The following MBD1 variants were observed in gnomAD, a reference collection of about 807,000 sequenced individuals.
The protein encoded by MBD1 is methyl-CpG binding domain protein 1.
A neutral mutation model predicts 82.6 loss-of-function variants in MBD1; 25 were observed. The ratio of observed to expected loss-of-function variants is 0.30; its 90% CI spans 0.22 to 0.42. The LOEUF (loss-of-function observed/expected upper bound fraction) is 0.42. Among genes scored for constraint, MBD1 ranks in the 10% least tolerant of loss-of-function variants. The pLI, the probability that MBD1 is intolerant of heterozygous loss-of-function variation, is 1.00. For missense variants in MBD1, 627 were observed against 819.6 expected (o/e 0.76, Z 2.87); for synonymous variants, 301 against 303.7 (o/e 0.99, Z 0.09).
At chr18:50,273,100 T>C (rs2036300694) in intron 13 of MBD1, 145 bp from the exon 14 acceptor site, 6 of 1,227,168 alleles carry the variant, frequency 4.9e-6, no homozygotes, top group Admixed American at 2.0e-5. Flanking sequence ...CTACAAAGCT[T>C]TCCCATTCCC....
chr18:50,276,503 C>T (rs979873709), intron 5 of MBD1, 85 bp from the exon 6 acceptor site: 4 of 1,480,718 alleles, frequency 2.7e-6, no homozygotes, highest in Non-Finnish European at 3.8e-6. Flanking sequence ...CTGACTTCCA[C>T]TATTCAACCT....
chr18:50,274,119 C>A, intron 11 of MBD1, 67 bp downstream of exon 11: 1 of 1,602,310 alleles, frequency 6.2e-7, no homozygotes, highest in South Asian at 1.1e-5. Context: ...GCCTGCCCAC[C>A]ACTTCCAGGC....
In MBD1 at chr18:50,269,576, C is replaced by T. The variant is rs2034600104; in HGVS notation, c.*275G>A. The T allele has an allele frequency of 1.4e-6, 1 of 718,592 alleles. No homozygotes were observed. Among genetic ancestry groups the T allele is most frequent in the Non-Finnish European group, 2.6e-6 (1 of 385,264 alleles). The allele number at this position is 718,592 out of a possible 1,614,324, so 44.5% of individuals were successfully genotyped here. A position where few individuals can be genotyped will look rare whatever the true frequency, so the allele number is the denominator to read the frequency against. On this transcript the variant is annotated 3_prime_UTR_variant, in exon 17 of 17. Transcript: ENST00000269468. ...TGCAGCCAGGCCTGCAGCTGCTCCA[C>T]CTTCCCCAGGATCATCCTTTCAGCT... is the stretch of plus-strand genomic sequence containing the variant.
chr18:50,276,614 T>C, intron 5 of MBD1, 48 bp downstream of exon 5: 1 of 1,597,394 alleles, frequency 6.3e-7, no homozygotes. Flanking sequence ...ACACTGGACC[T>C]GCTCCAGCTC....
At chr18:50,268,099 T>A (rs2034139592), downstream of MBD1, among the ~76,000 whole-genome samples, 1 of 152,102 alleles carries the variant, frequency 6.6e-6, no homozygotes, top group Non-Finnish European at 1.5e-5. Context: ...TTTCCTGGAG[T>A]GTCCAGAGGG....
downstream of MBD1, among the ~76,000 whole-genome samples, chr18:50,267,932 C>T (rs1346081602): frequency 2.6e-5 from 4 of 152,236 alleles, no homozygotes; most frequent in African/African-American, 4.8e-5. Context: ...TTTTCAGCCA[C>T]GAAATAATGT....
chr18:50,273,199 G>C (rs908864158), intron 13 of MBD1, 135 bp downstream of exon 13: 12 of 1,356,914 alleles, frequency 8.8e-6, no homozygotes, highest in Non-Finnish European at 1.2e-5. Context: ...CTGTTAGACA[G>C]GCGGGGTAAT....
At position 50,273,624 on chromosome 18, in the gene MBD1, G is replaced by A. The variant is rs750544888; in HGVS notation, c.1386C>T (p.Gly462=). 2.5e-5 allele frequency: 41 copies of A among 1,613,372 alleles called. No individual in the cohort carries two copies. The highest frequency in any genetic ancestry group is 4.0e-5 in the African/African-American group (3 of 74,940). The stretch of plus-strand genomic sequence containing the variant: ...CCGGCACCTGCACAGGACTGCTTGC[G>A]CCTTCCCGTAAAAACACAAGGTCAG... The part of the protein sequence containing the change: ...PGTDLVFLRE[G]ASSPVQVPGP... The change falls in exon 12 of 17, where the codon GGC becomes GGT. Residue 462 remains glycine, a synonymous_variant. Coordinates refer to ENST00000269468, the MANE Select transcript of MBD1 (RefSeq NM_015846.4).
chr18:50,275,185 C>T lies in MBD1; in HGVS notation c.853G>A (p.Gly285Arg), dbSNP rs1440729879. The T allele has an allele frequency of 5.6e-6, 9 of 1,614,068 alleles. No individual in the cohort carries two copies. The East Asian group carries it at 6.7e-5, about 12-fold the overall frequency. Residue 285 changes from glycine (G) to arginine (R), a missense_variant, in exon 9 of 17, where the codon GGA becomes AGA. By Grantham distance (125) the Gly-to-Arg change is moderately radical. Transcript: ENST00000269468. ...GGTGGTGGAGGCAGTGGCTGGGCTC[C>T]GGGGCGCCGCCTGGCAGCCATCTTG... ...DSKMAARRRP[G>R]AQPLPPPPPS...
In MBD1 at chr18:50,275,741, G is replaced by C; in HGVS notation, c.664-13C>G. The C allele has an allele frequency of 6.2e-7, 1 of 1,614,174 alleles. No individual in the cohort carries two copies. The highest frequency in any genetic ancestry group is 8.5e-7 in the Non-Finnish European group (1 of 1,180,008). On this transcript the variant is annotated splice_polypyrimidine_tract_variant and intron_variant, in intron 7 of 16. Coordinates refer to ENST00000269468, the MANE Select transcript of MBD1 (RefSeq NM_015846.4). The stretch of plus-strand genomic sequence containing the variant: ...CACACCCTCGGCTCTGTTGGCGGGG[G>C]GCAGGTGGGAGCAGAGGCATGAAGC...
At chr18:50,276,809 G>C (rs200523466) in intron 4 of MBD1, 23 bp downstream of exon 4, 1 of 1,614,182 alleles carries the variant, frequency 6.2e-7, no homozygotes, top group East Asian at 2.2e-5. Flanking sequence ...CACCCATCTG[G>C]CTCACCTTAG....
rs773828301 is a variant in MBD1, at chr18:50,270,111, C to T, written c.*33-293G>A. The T allele has an allele frequency of 5.0e-6, 8 of 1,598,308 alleles. No homozygotes were observed. In the Admixed American group the frequency reaches 1.3e-4, roughly 27 times the overall value. On this transcript the variant is annotated intron_variant, in intron 16 of 16. Transcript: ENST00000269468. ...CTGGGGGAAACAAAGCAGTATCAGT[C>T]TATCCAGTCTTGACTAGGGCTGAAC...
intron 1 of MBD1, among the ~76,000 whole-genome samples, chr18:50,280,953 C>T (rs1330883285): frequency 6.6e-6 from 1 of 152,128 alleles, no homozygotes; most frequent in Non-Finnish European, 1.5e-5. Context: ...CCTACTGCTC[C>T]TCGTCCTCTA....
At position 50,269,271 on chromosome 18, in the gene MBD1, T is replaced by A. The variant is rs184341364; in HGVS notation, c.*580A>T. The A allele has an allele frequency of 3.0e-4, 347 of 1,163,040 alleles. 2 individuals are homozygous for A. The highest frequency in any genetic ancestry group is 1.2e-3 in the East Asian group (20 of 16,998). 72.0% of individuals were successfully genotyped at this position (1,163,040 alleles called of 1,614,324 possible). A position where few individuals can be genotyped will look rare whatever the true frequency, so the allele number is the denominator to read the frequency against. The stretch of plus-strand genomic sequence containing the variant: ...TTGCATTTTCAGCCACATAGTTATA[T>A]TGAGTTATCCTCAGGTGAGCAGTGA... On this transcript the variant is annotated 3_prime_UTR_variant, in exon 17 of 17. Transcript: ENST00000269468.
At chr18:50,272,127 G>A (rs1006460242) in intron 15 of MBD1, among the ~76,000 whole-genome samples, 6 of 152,206 alleles carry the variant, frequency 3.9e-5, no homozygotes, top group African/African-American at 1.2e-4. Flanking sequence ...CACAGAGGCC[G>A]CTCCAGGAAG....
At chr18:50,279,735 T>C (rs1599563472) in intron 2 of MBD1, 148 bp downstream of exon 2, 1 of 1,015,912 alleles carries the variant, frequency 9.8e-7, no homozygotes, top group East Asian at 2.7e-5. Context: ...TTTTATTAAG[T>C]AGGTGAAATT....
At chr18:50,275,398 C>A (rs372009396) in intron 8 of MBD1, 153 bp from the exon 9 acceptor site, 17 of 1,607,212 alleles carry the variant, frequency 1.1e-5, no homozygotes, top group Non-Finnish European at 1.4e-5. Context: ...CAGGGGAGTG[C>A]GTCGCTGACA....
In MBD1 at chr18:50,269,450, T is replaced by C. The variant is rs1227528961; in HGVS notation, c.*401A>G. 1.3e-6 allele frequency: 1 copy of C among 787,044 alleles called. No individual in the cohort carries two copies. Among genetic ancestry groups the C allele is most frequent in the Non-Finnish European group, 2.1e-6 (1 of 486,076 alleles). The allele number at this position is 787,044 out of a possible 1,614,324, so 48.8% of individuals were successfully genotyped here. A position where few individuals can be genotyped will look rare whatever the true frequency, so the allele number is the denominator to read the frequency against. ...AAGTGAAGCAGCAGCACATTGTTTTTACACTTGGAAGGTTGGTGCTGGGGC... is the reference window on the plus strand; with the variant it reads ...AAGTGAAGCAGCAGCACATTGTTTTCACACTTGGAAGGTTGGTGCTGGGGC... On this transcript the variant is annotated 3_prime_UTR_variant, in exon 17 of 17. Coordinates refer to ENST00000269468, the MANE Select transcript of MBD1 (RefSeq NM_015846.4).
intron 16 of MBD1, chr18:50,271,086 A>G (rs2035312234): frequency 9.7e-7 from 1 of 1,033,760 alleles, no homozygotes; most frequent in Non-Finnish European, 1.2e-6. Context: ...TTCAATTGCT[A>G]TCTCCCTGAG....
Sources: allele counts gnomAD v4.1 joint callset (sites outside exome capture counted in the v4.1 genomes callset), GRCh38; gene constraint gnomAD v4.1.1; transcripts MANE v1.5; gene names NCBI Gene and HGNC (gene_info 2026-07-23, HGNC 2026-07-21).